Variants in DSCAM observed in about 807,000 individuals in gnomAD.
DSCAM encodes the protein DS cell adhesion molecule.
In DSCAM, 47 loss-of-function variants were observed where a neutral mutation model predicts 217.7. The observed-to-expected ratio is 0.22, with a 90% CI of 0.17 to 0.28. DSCAM has a LOEUF of 0.28. DSCAM is among the 10% of genes least tolerant of loss of function. The pLI, the probability that DSCAM is intolerant of heterozygous loss-of-function variation, is 1.00. For synonymous variants in DSCAM, 1,056 were observed against 1,015.3 expected, an observed-to-expected ratio of 1.04 and a Z score of -0.76; for missense variants, 2,080 against 2,618.3, an observed-to-expected ratio of 0.79 and a Z score of 4.49.
At chr21:40,079,395 T>C (rs186065983) in intron 25 of DSCAM, among the ~76,000 whole-genome samples, 2 of 152,322 alleles carry the variant, frequency 1.3e-5, no homozygotes, top group African/African-American at 2.4e-5. Flanking sequence ...ACACTTGGTC[T>C]TGGTGCCCAG....
chr21:40,557,431 T>C (rs1411895509), intron 3 of DSCAM, among the ~76,000 whole-genome samples: 1 of 152,180 alleles, frequency 6.6e-6, no homozygotes, highest in Non-Finnish European at 1.5e-5. Context: ...CTCAGCTCAC[T>C]GCAAGCTCTG....
rs772106207 is a variant in DSCAM at position 40,051,986 on chromosome 21, C to T, written c.5157G>A (p.Val1719=). The change falls in exon 30 of 33, where the codon GTG becomes GTA. Residue 1719 remains valine (V), a synonymous_variant. Coordinates refer to ENST00000400454, the MANE Select transcript of DSCAM (RefSeq NM_001389.5). ...TTCCCGGCCGAGCGTCTGAAACATC[C>T]ACTAAGGGCCCAGTGGCCTGAGACA... ...QSVSQATGPL[V]DVSDARPGTN... 39 of 1,613,122 alleles carry T rather than the reference C, an allele frequency of 2.4e-5. No homozygotes were observed. The highest frequency in any genetic ancestry group is 3.0e-5 in the Non-Finnish European group (35 of 1,179,674).
intron 16 of DSCAM, among the ~76,000 whole-genome samples, chr21:40,158,567 C>G (rs2090505174): frequency 6.6e-6 from 1 of 152,198 alleles, no homozygotes; most frequent in African/African-American, 2.4e-5. Context: ...CCAGATGCAA[C>G]ACGTGCCACA....
At chr21:40,038,898 T>C (rs887603411) in intron 32 of DSCAM, among the ~76,000 whole-genome samples, 1 of 151,314 alleles carries the variant, frequency 6.6e-6, no homozygotes, top group African/African-American at 2.4e-5. Context: ...ATCATCATTC[T>C]CAGTAAACTA....
chr21:40,139,034 TA>T (rs1746283238), intron 18 of DSCAM, among the ~76,000 whole-genome samples: 1 of 145,182 alleles, frequency 6.9e-6, no homozygotes, highest in African/African-American at 2.6e-5. Context: ...AGTGTGTGTG[TA>T]GTGTGTGTTG....
chr21:40,196,902 A>G (rs958994730), intron 11 of DSCAM, among the ~76,000 whole-genome samples: 1 of 152,226 alleles, frequency 6.6e-6, no homozygotes, highest in Non-Finnish European at 1.5e-5. Flanking sequence ...ATTCTAAATT[A>G]TGCTATAAAT....
At position 40,504,291 on chromosome 21, in the gene DSCAM, G is replaced by A. The variant is rs78215272; in HGVS notation, c.509-135046C>T. ...CAAGTCTGTACCAGGGATGTTGGCCGACTCCTCAGCCAGGAGGGCATCAAG... is the reference window on the plus strand; with the variant it reads ...CAAGTCTGTACCAGGGATGTTGGCCAACTCCTCAGCCAGGAGGGCATCAAG... On this transcript the variant is annotated intron_variant, in intron 3 of 32. Coordinates refer to ENST00000400454, the MANE Select transcript of DSCAM (RefSeq NM_001389.5). Among the ~76,000 whole-genome samples the A allele has an allele frequency of 8.8e-3, 1,341 of 152,270 alleles. 23 individuals are homozygous for A. Among genetic ancestry groups the A allele is most frequent in the African/African-American group, 0.031 (1,269 of 41,548 alleles).
intron 32 of DSCAM, among the ~76,000 whole-genome samples, chr21:40,038,525 TGGAGAGGATGTGGAGAAATAG>T (rs2088675427): frequency 2.3e-5 from 1 of 43,160 alleles, no homozygotes; most frequent in African/African-American, 1.0e-4. Context: ...CAACAGGTGC[TGGAGAGGATGTGGAGAAATAG>T]GAACACTTTT....
intron 32 of DSCAM, among the ~76,000 whole-genome samples, chr21:40,040,927 GA>G (rs5741836): frequency 0.11 from 16,459 of 147,078 alleles, 2,026 homozygotes; most frequent in East Asian, 0.45. Context: ...CCAACAACAC[GA>G]AAAAAAAAAA....
At chr21:40,553,145 T>A (rs2076643896) in intron 3 of DSCAM, among the ~76,000 whole-genome samples, 2 of 152,250 alleles carry the variant, frequency 1.3e-5, no homozygotes, top group Admixed American at 1.3e-4. Flanking sequence ...CAGTTTCTAT[T>A]GGTGGATTTT....
chr21:40,264,159 T>C (rs1468207480), intron 11 of DSCAM, among the ~76,000 whole-genome samples: 1 of 152,176 alleles, frequency 6.6e-6, no homozygotes, highest in African/African-American at 2.4e-5. Context: ...TCTGAAATTA[T>C]TCCAAAAGAC....
intron 11 of DSCAM, among the ~76,000 whole-genome samples, chr21:40,247,131 C>A (rs1458520752): frequency 6.6e-6 from 1 of 152,122 alleles, no homozygotes; most frequent in African/African-American, 2.4e-5. Flanking sequence ...GATTTAATTA[C>A]CTCCAGCTAA....
At chr21:40,468,699 T>C (rs574527730) in intron 3 of DSCAM, among the ~76,000 whole-genome samples, 27 of 152,318 alleles carry the variant, frequency 1.8e-4, no homozygotes, top group African/African-American at 6.5e-4. Context: ...GTTTATTCTC[T>C]GGCTAAACTG....
chr21:40,231,699 T>C (rs1000994165), intron 11 of DSCAM, among the ~76,000 whole-genome samples: 1 of 151,954 alleles, frequency 6.6e-6, no homozygotes, highest in African/African-American at 2.4e-5. Context: ...GACAAGGTCT[T>C]GTCATGTTTC....
chr21:40,629,804 G>C (rs2089663158), intron 3 of DSCAM, among the ~76,000 whole-genome samples: 1 of 152,118 alleles, frequency 6.6e-6, no homozygotes, highest in African/African-American at 2.4e-5. Context: ...ATGAGAAAAG[G>C]AGACAAATCA....
intron 1 of DSCAM, among the ~76,000 whole-genome samples, chr21:40,804,351 G>A (rs11702668): frequency 0.45 from 68,128 of 151,996 alleles, 17,155 homozygotes; most frequent in South Asian, 0.64. Context: ...GTTGCCTTCC[G>A]CATTCCAACC....
At chr21:40,775,891 G>T (rs762091485) in intron 1 of DSCAM, among the ~76,000 whole-genome samples, 2 of 152,126 alleles carry the variant, frequency 1.3e-5, no homozygotes, top group Non-Finnish European at 2.9e-5. Flanking sequence ...TGATTGACTC[G>T]TCAAAAGACT....
intron 3 of DSCAM, among the ~76,000 whole-genome samples, chr21:40,614,568 C>T (rs2146284480): frequency 6.6e-6 from 1 of 152,160 alleles, no homozygotes; most frequent in Non-Finnish European, 1.5e-5. Context: ...TGTGCTCACT[C>T]TTTGGTTCAG....
chr21:40,579,220 T>G (rs1002514312), intron 3 of DSCAM, among the ~76,000 whole-genome samples: 8 of 151,846 alleles, frequency 5.3e-5, no homozygotes, highest in Admixed American at 6.6e-5. Flanking sequence ...CATATGAAGT[T>G]CAGAGGTACA....
Sources: gnomAD v4.1 joint callset for allele counts (sites outside exome capture counted in the v4.1 genomes callset) on GRCh38, gnomAD v4.1.1 for gene constraint, MANE v1.5 for transcripts, NCBI Gene and HGNC (gene_info 2026-07-23, HGNC 2026-07-21) for gene names.